PLPPR1: variants seen among roughly 807,000 people sequenced by gnomAD.
The protein encoded by PLPPR1 is phospholipid phosphatase-related protein type 1.
PLPPR1 carries 10 observed loss-of-function variants against 33.1 expected under a neutral mutation model. The ratio of observed to expected loss-of-function variants is 0.30; its 90% CI spans 0.19 to 0.51. The LOEUF (loss-of-function observed/expected upper bound fraction) is 0.51, where lower values mean the gene tolerates loss of function less well. Ranked by LOEUF, PLPPR1 falls within the 20% of genes least tolerant of loss-of-function variation. The pLI, the probability that PLPPR1 is intolerant of heterozygous loss-of-function variation, is 0.97. For missense variants in PLPPR1, 304 were observed against 408.1 expected, an observed-to-expected ratio of 0.74 and a Z score of 2.20; for synonymous variants, 151 against 151.0, an observed-to-expected ratio of 1.00 and a Z score of 0.00.
At chr9:101,292,523 G>A (rs552381685) in intron 4 of PLPPR1, among the ~76,000 whole-genome samples, 36 of 148,874 alleles carry the variant, frequency 2.4e-4, no homozygotes, top group African/African-American at 8.6e-4. Flanking sequence ...AGAAAAAAAT[G>A]TTAAGGGCAG....
At chr9:101,084,930 T>C (rs1830660010) in intron 1 of PLPPR1, among the ~76,000 whole-genome samples, 1 of 152,198 alleles carries the variant, frequency 6.6e-6, no homozygotes, top group African/African-American at 2.4e-5. Context: ...GCAACAAAAA[T>C]CCTTGCCACA....
intron 2 of PLPPR1, among the ~76,000 whole-genome samples, chr9:101,216,990 T>C (rs1288274289): frequency 6.6e-6 from 1 of 152,158 alleles, no homozygotes; most frequent in Non-Finnish European, 1.5e-5. Context: ...TATGGTAAGG[T>C]AGGCATTACT....
intron 2 of PLPPR1, among the ~76,000 whole-genome samples, chr9:101,230,728 T>C (rs1422209318): frequency 6.6e-6 from 1 of 152,030 alleles, no homozygotes; most frequent in African/African-American, 2.4e-5. Context: ...AAACCCATCG[T>C]GGGCTAAAGT....
chr9:101,175,013 G>C (rs746787543), intron 1 of PLPPR1, among the ~76,000 whole-genome samples: 1 of 152,136 alleles, frequency 6.6e-6, no homozygotes, highest in South Asian at 2.1e-4. Flanking sequence ...AATTTTGGTA[G>C]CATCTATAGC....
At chr9:101,128,860 C>A (rs1369567237) in intron 1 of PLPPR1, among the ~76,000 whole-genome samples, 1 of 152,004 alleles carries the variant, frequency 6.6e-6, no homozygotes, top group Non-Finnish European at 1.5e-5. Flanking sequence ...ACTTTGAAAC[C>A]CCATCTTTTT....
intron 1 of PLPPR1, among the ~76,000 whole-genome samples, chr9:101,038,342 T>C (rs975485808): frequency 6.6e-6 from 1 of 152,102 alleles, no homozygotes; most frequent in African/African-American, 2.4e-5. Flanking sequence ...TATTCAGTCA[T>C]TGAACAAATA....
chr9:101,108,508 A>G (rs1012985415), intron 1 of PLPPR1, among the ~76,000 whole-genome samples: 2 of 152,148 alleles, frequency 1.3e-5, no homozygotes, highest in Admixed American at 1.3e-4. Context: ...CCACTTTGAG[A>G]CTCTTTGTGA....
intron 1 of PLPPR1, among the ~76,000 whole-genome samples, chr9:101,050,466 T>C (rs1355733850): frequency 6.6e-6 from 1 of 152,192 alleles, no homozygotes; most frequent in Non-Finnish European, 1.5e-5. Flanking sequence ...GGTCTTATTT[T>C]TGATATCCAG....
At chr9:101,243,061 G>A (rs1588091886) in intron 2 of PLPPR1, among the ~76,000 whole-genome samples, 1 of 152,126 alleles carries the variant, frequency 6.6e-6, no homozygotes, top group East Asian at 1.9e-4. Flanking sequence ...AATAATTGTA[G>A]CAGAAGGAAA....
intron 2 of PLPPR1, among the ~76,000 whole-genome samples, chr9:101,238,280 CTATATACATACCCTA>C (rs1396902484): frequency 1.1e-4 from 14 of 131,078 alleles, no homozygotes; most frequent in African/African-American, 3.7e-4. Context: ...TATATACATC[CTATATACATACCCTA>C]TATATATATA....
At chr9:101,293,726 G>A (rs1828564050) in intron 4 of PLPPR1, among the ~76,000 whole-genome samples, 2 of 151,984 alleles carry the variant, frequency 1.3e-5, no homozygotes, top group Non-Finnish European at 2.9e-5. Context: ...CGAAATGAAG[G>A]CAGAAATAAA....
intron 1 of PLPPR1, among the ~76,000 whole-genome samples, chr9:101,058,958 A>T (rs932772651): frequency 4.6e-5 from 7 of 152,146 alleles, no homozygotes; most frequent in African/African-American, 1.7e-4. Flanking sequence ...TCAGGGCTTC[A>T]GTCCATATTA....
At chr9:101,292,705 A>C (rs892949657) in intron 4 of PLPPR1, among the ~76,000 whole-genome samples, 1 of 151,960 alleles carries the variant, frequency 6.6e-6, no homozygotes, top group Non-Finnish European at 1.5e-5. Context: ...AGCCAAACTA[A>C]GCTTCATAAG....
At chr9:101,289,649 G>T (rs1316828365) in intron 4 of PLPPR1, among the ~76,000 whole-genome samples, 1 of 152,174 alleles carries the variant, frequency 6.6e-6, no homozygotes, top group African/African-American at 2.4e-5. Flanking sequence ...AGGGGTTTCT[G>T]CTTTTGCGTC....
chr9:101,306,732 A>T (rs1197767160), intron 4 of PLPPR1, among the ~76,000 whole-genome samples: 1 of 152,214 alleles, frequency 6.6e-6, no homozygotes, highest in Non-Finnish European at 1.5e-5. Context: ...TCTATTAAAA[A>T]ATATGATCTC....
At chr9:101,043,220 G>C (rs932995409) in intron 1 of PLPPR1, among the ~76,000 whole-genome samples, 3 of 151,766 alleles carry the variant, frequency 2.0e-5, no homozygotes, top group Non-Finnish European at 4.4e-5. Flanking sequence ...CATCTAGGTT[G>C]CTGCAAATGC....
intron 1 of PLPPR1, among the ~76,000 whole-genome samples, chr9:101,129,810 G>A (rs1043130819): frequency 6.6e-6 from 1 of 152,172 alleles, no homozygotes; most frequent in Non-Finnish European, 1.5e-5. Flanking sequence ...CAGCCTAGGC[G>A]ACAGAGCAAG....
chr9:101,323,469 CAAA>C (rs11339430), intron 7 of PLPPR1, among the ~76,000 whole-genome samples: 1,219 of 93,760 alleles, frequency 0.013, 16 homozygotes, highest in African/African-American at 0.038. Flanking sequence ...AACCCTGTCT[CAAA>C]AAAAAAAAAA....
intron 1 of PLPPR1, among the ~76,000 whole-genome samples, chr9:101,133,622 G>A (rs1247926201): frequency 6.6e-6 from 1 of 152,132 alleles, no homozygotes; most frequent in Non-Finnish European, 1.5e-5. Context: ...TGTATTGCCT[G>A]GCATCAAGTG....
Sources: gnomAD v4.1 joint callset for allele counts (sites outside exome capture counted in the v4.1 genomes callset) on GRCh38, gnomAD v4.1.1 for gene constraint, MANE v1.5 for transcripts, NCBI Gene and HGNC (gene_info 2026-07-23, HGNC 2026-07-21) for gene names.